The following PRKG1 variants were observed in gnomAD, a reference collection of about 807,000 sequenced individuals.
PRKG1 encodes the protein cGMP-dependent protein kinase 1.
PRKG1 carries 35 observed loss-of-function variants against 88.1 expected under a neutral mutation model. That is an observed-to-expected ratio of 0.40 (90% CI 0.30 to 0.53). The LOEUF is 0.53. Among genes scored for constraint, PRKG1 ranks in the 20% least tolerant of loss-of-function variants. The pLI is 0.59. For missense variants in PRKG1, 540 were observed against 839.8 expected, an observed-to-expected ratio of 0.64 and a Z score of 4.41; for synonymous variants, 303 against 292.5, an observed-to-expected ratio of 1.04 and a Z score of -0.37.
chr10:51,467,961 CT>C (rs1242355952), intron 3 of PRKG1, 125 bp downstream of exon 3: 1 of 803,508 alleles, frequency 1.2e-6, no homozygotes, highest in Admixed American at 2.0e-5. Flanking sequence ...AATTTTTGCC[CT>C]GCAATATAGC....
At chr10:51,301,014 TG>T (rs1472357582) in intron 2 of PRKG1, among the ~76,000 whole-genome samples, 1 of 152,228 alleles carries the variant, frequency 6.6e-6, no homozygotes, top group African/African-American at 2.4e-5. Flanking sequence ...ACTTTTTTTT[TG>T]AGTGAGATGA....
At chr10:51,591,884 A>G (rs887986483) in intron 3 of PRKG1, among the ~76,000 whole-genome samples, 2 of 152,200 alleles carry the variant, frequency 1.3e-5, no homozygotes, top group African/African-American at 4.8e-5. Context: ...GGTCAGGTAC[A>G]TGCTTTCATT....
chr10:51,848,239 T>C (rs752147424), intron 4 of PRKG1, among the ~76,000 whole-genome samples: 14 of 152,272 alleles, frequency 9.2e-5, no homozygotes, highest in Admixed American at 1.3e-4. Flanking sequence ...CCCTGATTAG[T>C]GAGACTCAAA....
At chr10:51,606,210 A>G (rs1838762234) in intron 3 of PRKG1, among the ~76,000 whole-genome samples, 1 of 152,132 alleles carries the variant, frequency 6.6e-6, no homozygotes, top group African/African-American at 2.4e-5. Context: ...CTCATTTTTA[A>G]AGTATTTTCA....
intron 3 of PRKG1, among the ~76,000 whole-genome samples, chr10:51,657,112 G>A (rs1840180473): frequency 6.6e-6 from 1 of 152,112 alleles, no homozygotes; most frequent in African/African-American, 2.4e-5. Context: ...TTAGGTAGTA[G>A]GTGGTGTCTA....
intron 1 of PRKG1, among the ~76,000 whole-genome samples, chr10:51,021,995 T>C (rs1843144567): frequency 6.6e-6 from 1 of 152,218 alleles, no homozygotes; most frequent in Non-Finnish European, 1.5e-5. Context: ...CTGGTTCTTA[T>C]AATGGGTATG....
chr10:51,291,439 A>G (rs1375924772), intron 2 of PRKG1, among the ~76,000 whole-genome samples: 1 of 152,170 alleles, frequency 6.6e-6, no homozygotes, highest in Non-Finnish European at 1.5e-5. Flanking sequence ...AACTGTAGAC[A>G]TAACCAGAGT....
At chr10:51,968,553 T>G (rs752066404) in intron 5 of PRKG1, among the ~76,000 whole-genome samples, 1 of 151,986 alleles carries the variant, frequency 6.6e-6, no homozygotes, top group Non-Finnish European at 1.5e-5. Flanking sequence ...CCAGGCATGG[T>G]GGTTCATGCC....
intron 5 of PRKG1, among the ~76,000 whole-genome samples, chr10:51,977,821 AC>A (rs1843886211): frequency 6.6e-6 from 1 of 151,384 alleles, no homozygotes; most frequent in South Asian, 2.1e-4. Context: ...GGGGTCATTT[AC>A]TTTTATCTTG....
chr10:51,796,052 C>T lies in PRKG1; in HGVS notation c.593-8533C>T, dbSNP rs138042264. On this transcript the variant is annotated intron_variant, in intron 3 of 17. Transcript: ENST00000373980. ...AGTTCTCTCCTAATAGAGATTATGACGGTCTGTGGTGATTTGCCAAAGAAT... is the reference window on the plus strand; with the variant it reads ...AGTTCTCTCCTAATAGAGATTATGATGGTCTGTGGTGATTTGCCAAAGAAT... Among the ~76,000 whole-genome samples, 589 of 152,138 alleles carry T rather than the reference C, an allele frequency of 3.9e-3. 1 individual carries two copies. The highest frequency in any genetic ancestry group is 0.013 in the African/African-American group (556 of 41,516).
intron 9 of PRKG1, among the ~76,000 whole-genome samples, chr10:52,198,934 G>C: frequency 6.6e-6 from 1 of 151,924 alleles, no homozygotes; most frequent in East Asian, 1.9e-4. Flanking sequence ...CATCTTTGGG[G>C]AACCATTTTT....
At chr10:51,720,104 G>A (rs1035029694) in intron 3 of PRKG1, among the ~76,000 whole-genome samples, 3 of 152,106 alleles carry the variant, frequency 2.0e-5, no homozygotes, top group African/African-American at 4.8e-5. Context: ...AAGAGAAACT[G>A]TAATGAGTTA....
At chr10:52,096,015 G>T (rs769035908) in intron 7 of PRKG1, among the ~76,000 whole-genome samples, 2 of 152,200 alleles carry the variant, frequency 1.3e-5, no homozygotes, top group Non-Finnish European at 2.9e-5. Flanking sequence ...AGGCAATTAA[G>T]TGAGGAGTCT....
chr10:51,902,003 G>A (rs868658158), intron 4 of PRKG1, among the ~76,000 whole-genome samples: 12 of 151,970 alleles, frequency 7.9e-5, no homozygotes, highest in African/African-American at 2.9e-4. Context: ...AAGTGTCTTT[G>A]GACTTAAAGA....
intron 1 of PRKG1, among the ~76,000 whole-genome samples, chr10:51,110,283 A>G (rs1844952406): frequency 6.6e-6 from 1 of 152,146 alleles, no homozygotes; most frequent in African/African-American, 2.4e-5. Flanking sequence ...AATAGCTAGA[A>G]ACTGGAAACA....
At chr10:51,268,023 A>G (rs1335204658) in intron 2 of PRKG1, among the ~76,000 whole-genome samples, 2 of 152,214 alleles carry the variant, frequency 1.3e-5, no homozygotes, top group African/African-American at 2.4e-5. Flanking sequence ...ATAAAGGGAC[A>G]GAGTACAAAA....
At chr10:51,500,629 C>T (rs1311407185) in intron 3 of PRKG1, among the ~76,000 whole-genome samples, 2 of 152,082 alleles carry the variant, frequency 1.3e-5, no homozygotes, top group Non-Finnish European at 2.9e-5. Context: ...TCAAGTGATC[C>T]CCACCCTATC....
intron 3 of PRKG1, among the ~76,000 whole-genome samples, chr10:51,649,937 C>T (rs1310136977): frequency 1.3e-5 from 2 of 152,198 alleles, no homozygotes; most frequent in African/African-American, 4.8e-5. Context: ...GGTTGCAAAA[C>T]ATTAAACCAA....
chr10:51,678,867 G>A (rs1840775034), intron 3 of PRKG1, among the ~76,000 whole-genome samples: 1 of 152,178 alleles, frequency 6.6e-6, no homozygotes, highest in South Asian at 2.1e-4. Flanking sequence ...GGGCTTCAGG[G>A]TGAACATCAG....
Sources: allele counts gnomAD v4.1 joint callset (sites outside exome capture counted in the v4.1 genomes callset), GRCh38; gene constraint gnomAD v4.1.1; transcripts MANE v1.5; gene names NCBI Gene and HGNC (gene_info 2026-07-23, HGNC 2026-07-21).